The following ZNF827 variants were observed in gnomAD, a reference collection of about 807,000 sequenced individuals.
ZNF827 encodes the protein zinc finger protein 827.
Under a neutral mutation model 102.4 loss-of-function variants are expected in ZNF827, and 13 were observed. The ratio of observed to expected loss-of-function variants is 0.13; its 90% CI spans 0.08 to 0.20. The LOEUF is 0.20. Among genes scored for constraint, ZNF827 ranks in the 10% least tolerant of loss-of-function variants. The pLI, the probability that ZNF827 is intolerant of heterozygous loss-of-function variation, is 1.00. For synonymous variants in ZNF827, 523 were observed against 536.2 expected, an observed-to-expected ratio of 0.98 and a Z score of 0.34; for missense variants, 1,103 against 1,344.4, an observed-to-expected ratio of 0.82 and a Z score of 2.81.
intron 4 of ZNF827, among the ~76,000 whole-genome samples, chr4:145,884,685 C>A (rs186437375): frequency 1.1e-3 from 161 of 152,176 alleles, no homozygotes; most frequent in African/African-American, 3.6e-3. Context: ...CTTGATGCCC[C>A]TTTTCAACAC....
chr4:145,793,248 GAT>G (rs1170536544), intron 8 of ZNF827, among the ~76,000 whole-genome samples: 13 of 47,616 alleles, frequency 2.7e-4, no homozygotes, highest in Admixed American at 7.5e-4. Context: ...AGAACTAAGA[GAT>G]ATATATATAT....
chr4:145,835,590 T>C (rs1744747273), intron 7 of ZNF827, among the ~76,000 whole-genome samples: 3 of 150,174 alleles, frequency 2.0e-5, no homozygotes, highest in African/African-American at 5.0e-5. Flanking sequence ...TTCTTCCCAA[T>C]CCAAAGCCTC....
At chr4:145,915,658 T>A (rs1382428266) in intron 1 of ZNF827, among the ~76,000 whole-genome samples, 1 of 152,172 alleles carries the variant, frequency 6.6e-6, no homozygotes, top group Non-Finnish European at 1.5e-5. Context: ...TTCATGTCCT[T>A]CTCACATGCG....
intron 3 of ZNF827, among the ~76,000 whole-genome samples, chr4:145,890,548 GA>G (rs1750513500): frequency 6.6e-6 from 1 of 152,196 alleles, no homozygotes; most frequent in African/African-American, 2.4e-5. Context: ...ACCCTGAGCT[GA>G]AACCAAGCTT....
rs1323890849 is a variant in ZNF827, at chr4:145,902,231, G to A, written c.1028C>T (p.Pro343Leu). 4 of 1,581,478 alleles carry A rather than the reference G, an allele frequency of 2.5e-6. No homozygotes were observed. Among genetic ancestry groups the A allele is most frequent in the Non-Finnish European group, 3.4e-6 (4 of 1,162,388 alleles). ...PPPPPPPPPP[P>L]QSLELLLLPV... is the part of the protein sequence containing the mutation. ...GAGTAATAATAATTCCAGGGATTGT[G>A]GTGGTGGTGGTGGAGGTGGTGGAGG... Residue 343 changes from proline to leucine, a missense_variant, in exon 2 of 15, where the codon CCA becomes CTA. Pro to Leu is a moderately conservative substitution (Grantham distance 98). Around this residue, in one of 5 missense-constraint regions of ZNF827, gnomAD observed 441 missense variants for 458.6 expected, o/e 0.96. Coordinates refer to ENST00000508784, the MANE Select transcript of ZNF827 (RefSeq NM_001306215.2). The surrounding 1 kb of genome is among the most constrained non-coding windows in gnomAD (Gnocchi z 4.3).
chr4:145,833,437 G>A (rs188744509), intron 7 of ZNF827, among the ~76,000 whole-genome samples: 1,873 of 152,186 alleles, frequency 0.012, 38 homozygotes, highest in African/African-American at 0.042. Flanking sequence ...ACGCAGGGAC[G>A]CCTGCCTTAG....
intron 5 of ZNF827, among the ~76,000 whole-genome samples, chr4:145,865,442 G>C (rs1268915839): frequency 2.0e-5 from 3 of 152,094 alleles, no homozygotes; most frequent in African/African-American, 7.2e-5. Flanking sequence ...TCAAACCTTA[G>C]CTGTCAGAAT....
At chr4:145,813,528 G>C (rs575463949) in intron 8 of ZNF827, among the ~76,000 whole-genome samples, 1 of 152,182 alleles carries the variant, frequency 6.6e-6, no homozygotes, top group East Asian at 1.9e-4. Flanking sequence ...CCCTGAGGAT[G>C]AGTGGGGACT....
Position 145,870,570 on chromosome 4 carries a change from C to A in ZNF827, c.1748-92G>T, listed in dbSNP as rs1748598013. On this transcript the variant is annotated intron_variant, in intron 4 of 14. Coordinates refer to ENST00000508784, the MANE Select transcript of ZNF827 (RefSeq NM_001306215.2). ...CTTCACGAAGTATGGAATGCACAAT[C>A]ACACTGTGCTAACAACCGGAGGGAT... The A allele has an allele frequency of 7.0e-6, 8 of 1,137,044 alleles. No homozygotes were observed. The African/African-American group carries it at 1.2e-4, about 18-fold the overall frequency. The allele number at this position is 1,137,044 out of a possible 1,614,324, so 70.4% of individuals were successfully genotyped here. A position where few individuals can be genotyped will look rare whatever the true frequency, so the allele number is the denominator to read the frequency against.
At chr4:145,810,441 T>C (rs896795187) in intron 8 of ZNF827, among the ~76,000 whole-genome samples, 1 of 152,044 alleles carries the variant, frequency 6.6e-6, no homozygotes, top group African/African-American at 2.4e-5. Flanking sequence ...TTAGAAATTA[T>C]AAGTGTAATG....
intron 8 of ZNF827, among the ~76,000 whole-genome samples, chr4:145,820,348 T>C (rs1579283026): frequency 6.6e-6 from 1 of 152,372 alleles, no homozygotes; most frequent in African/African-American, 2.4e-5. Context: ...TCATTAATTA[T>C]GGTCTCTACT....
chr4:145,768,858 CAAAAAAA>C (rs1174930111), intron 11 of ZNF827, among the ~76,000 whole-genome samples: 22 of 4,516 alleles, frequency 4.9e-3, no homozygotes, highest in South Asian at 0.023. Context: ...GACTCCGTCT[CAAAAAAA>C]AAAAAAAAAA....
Position 145,775,886 on chromosome 4 carries a change from C to T in ZNF827, c.2596G>A (p.Val866Ile), listed in dbSNP as rs139110653. The T allele has an allele frequency of 9.3e-6, 15 of 1,614,024 alleles. No homozygotes were observed. The highest frequency in any genetic ancestry group is 2.2e-5 in the South Asian group (2 of 91,082). ...CRANLNQHLT[V>I]HSVKLVSTDT... Reference sequence around the variant, plus strand: ...GTACTCACCAGCTTCACGGAATGGACGGTCAAGTGCTGGTTCAGATTTGCA... The same window carrying T: ...GTACTCACCAGCTTCACGGAATGGATGGTCAAGTGCTGGTTCAGATTTGCA... The change falls in exon 10 of 15, where the codon GTC (valine) becomes ATC (isoleucine). Residue 866 changes from valine to isoleucine, a missense_variant. Coordinates refer to ENST00000508784, the MANE Select transcript of ZNF827 (RefSeq NM_001306215.2).
Position 145,880,655 on chromosome 4 carries a change from C to T in ZNF827, c.1747+5023G>A, listed in dbSNP as rs150708955. Reference sequence around the variant, plus strand: ...AAGTCGAGAATTTCAAAAGGGCATTCAAGCCGCTTACACATATAAGGCCCC... The same window carrying T: ...AAGTCGAGAATTTCAAAAGGGCATTTAAGCCGCTTACACATATAAGGCCCC... On this transcript the variant is annotated intron_variant, in intron 4 of 14. Coordinates refer to ENST00000508784, the MANE Select transcript of ZNF827 (RefSeq NM_001306215.2). 2.9e-3 allele frequency among the ~76,000 whole-genome samples: 437 copies of T among 152,344 alleles called. 19 individuals are homozygous for T. In the East Asian group the frequency reaches 0.071, roughly 25 times the overall value.
At position 145,845,964 on chromosome 4, in the gene ZNF827, G is replaced by T. The variant is rs772753702; in HGVS notation, c.2271C>A (p.Thr757=). 1 of 1,614,006 alleles carries T rather than the reference G, an allele frequency of 6.2e-7. No individual in the cohort carries two copies. Among genetic ancestry groups the T allele is most frequent in the African/African-American group, 1.3e-5 (1 of 74,890 alleles). ...HNHTKENTIR[T]TTSPFFSEDT... ...CACACAAAGTCGCCTACCTGGTCGT[G>T]GTCCGGATGGTGTTTTCTTTTGTAT... is the stretch of plus-strand genomic sequence containing the variant. The change falls in exon 7 of 15, where the codon ACC becomes ACA. Residue 757 remains threonine (T), a synonymous_variant. Coordinates refer to ENST00000508784, the MANE Select transcript of ZNF827 (RefSeq NM_001306215.2).
chr4:145,788,532 CTG>C (rs1739216117), intron 8 of ZNF827, among the ~76,000 whole-genome samples: 1 of 152,218 alleles, frequency 6.6e-6, no homozygotes, highest in Non-Finnish European at 1.5e-5. Flanking sequence ...TATGTTTTCC[CTG>C]TACTTGTACT....
intron 5 of ZNF827, among the ~76,000 whole-genome samples, chr4:145,859,409 C>T (rs180818385): frequency 1.9e-3 from 285 of 152,252 alleles, no homozygotes; most frequent in African/African-American, 6.4e-3. Flanking sequence ...AAGAAATCTT[C>T]GCAACAGCCA....
intron 6 of ZNF827, among the ~76,000 whole-genome samples, chr4:145,848,058 G>C (rs1179754525): frequency 6.6e-6 from 1 of 152,208 alleles, no homozygotes; most frequent in African/African-American, 2.4e-5. Context: ...ATAGGAGACT[G>C]CGACAGCATA....
At chr4:145,794,216 G>A (rs1740144757) in intron 8 of ZNF827, among the ~76,000 whole-genome samples, 1 of 152,084 alleles carries the variant, frequency 6.6e-6, no homozygotes, top group Non-Finnish European at 1.5e-5. Context: ...ATACTAATAT[G>A]GGAACTCACA....
Sources: allele counts gnomAD v4.1 joint callset (sites outside exome capture counted in the v4.1 genomes callset), GRCh38; gene constraint gnomAD v4.1.1; regional missense constraint gnomAD v4.1.1; non-coding constraint Gnocchi (gnomAD v3.1); transcripts MANE v1.5; gene names NCBI Gene and HGNC (gene_info 2026-07-23, HGNC 2026-07-21).